Variants in MIS18A observed in about 807,000 individuals in gnomAD.
The protein encoded by MIS18A is protein Mis18-alpha.
A neutral mutation model predicts 25.0 loss-of-function variants in MIS18A; 14 were observed. That is an observed-to-expected ratio of 0.56 (90% CI 0.37 to 0.88). MIS18A has a LOEUF of 0.88. MIS18A is among the 40% of genes least tolerant of loss of function. The pLI is 0.00. For synonymous variants in MIS18A, 134 were observed against 118.6 expected, an observed-to-expected ratio of 1.13 and a Z score of -0.84; for missense variants, 292 against 290.8, an observed-to-expected ratio of 1.00 and a Z score of -0.03.
chr21:32,169,162 C>T, the MIS18A span, among the ~76,000 whole-genome samples: 1 of 151,468 alleles, frequency 6.6e-6, no homozygotes, highest in South Asian at 2.1e-4. Context: ...CCACCCCTAC[C>T]TTTCAGCTTA....
At chr21:32,165,097 G>A in the MIS18A span, among the ~76,000 whole-genome samples, 1 of 152,218 alleles carries the variant, frequency 6.6e-6, no homozygotes, top group Admixed American at 6.5e-5. Context: ...ACTTTGGGAG[G>A]CTGAGGCAGG....
chr21:32,227,226 G>T, the MIS18A span, among the ~76,000 whole-genome samples: 1 of 151,532 alleles, frequency 6.6e-6, no homozygotes, highest in African/African-American at 2.4e-5. Flanking sequence ...CAAAATAAAC[G>T]AAATAGAGAA....
chr21:32,186,912 C>T, the MIS18A span, among the ~76,000 whole-genome samples: 4 of 152,026 alleles, frequency 2.6e-5, no homozygotes, highest in Non-Finnish European at 5.9e-5. Context: ...AGCAGTTTCC[C>T]GCACAATGCA....
At chr21:32,170,493 T>C in the MIS18A span, among the ~76,000 whole-genome samples, 1 of 151,882 alleles carries the variant, frequency 6.6e-6, no homozygotes. Context: ...AATAACTAAA[T>C]TGAAAATTTC....
the MIS18A span, among the ~76,000 whole-genome samples, chr21:32,203,982 A>G: frequency 6.6e-6 from 1 of 152,108 alleles, no homozygotes; most frequent in East Asian, 1.9e-4. Context: ...CATTAGACTC[A>G]TGGATTCAAT....
chr21:32,195,892 T>G, the MIS18A span, among the ~76,000 whole-genome samples: 1 of 151,998 alleles, frequency 6.6e-6, no homozygotes, highest in East Asian at 1.9e-4. Context: ...TGGTGACACA[T>G]GCATGTAGTC....
At chr21:32,226,291 GA>G in the MIS18A span, among the ~76,000 whole-genome samples, 1,094 of 141,556 alleles carry the variant, frequency 7.7e-3, 17 homozygotes, top group African/African-American at 0.023. Context: ...AAAAAAAAAA[GA>G]AAAAAAAAAG....
At chr21:32,245,514 A>G in the MIS18A span, among the ~76,000 whole-genome samples, 5 of 152,182 alleles carry the variant, frequency 3.3e-5, no homozygotes, top group African/African-American at 1.2e-4. Context: ...TCCAGGAGGG[A>G]AGGCTCTAGC....
chr21:32,242,030 C>T, the MIS18A span, among the ~76,000 whole-genome samples: 300 of 152,366 alleles, frequency 2.0e-3, 3 homozygotes, highest in African/African-American at 5.0e-3. Context: ...AGGCGCCCGC[C>T]ACCACGCCCG....
At chr21:32,198,493 G>A in the MIS18A span, among the ~76,000 whole-genome samples, 1 of 152,218 alleles carries the variant, frequency 6.6e-6, no homozygotes, top group Non-Finnish European at 1.5e-5. Context: ...GGACCTGTTA[G>A]TGCAGAGAAG....
the MIS18A span, among the ~76,000 whole-genome samples, chr21:32,170,059 A>C: frequency 6.6e-4 from 101 of 152,288 alleles, no homozygotes; most frequent in African/African-American, 2.3e-3. Flanking sequence ...TGAACTTGCT[A>C]GACAAATACT....
At chr21:32,201,352 T>C in the MIS18A span, among the ~76,000 whole-genome samples, 4 of 151,798 alleles carry the variant, frequency 2.6e-5, no homozygotes, top group African/African-American at 9.7e-5. Context: ...TGAAAGTCTG[T>C]TTACAGACTG....
At chr21:32,198,838 G>T in the MIS18A span, among the ~76,000 whole-genome samples, 1 of 151,924 alleles carries the variant, frequency 6.6e-6, no homozygotes, top group Non-Finnish European at 1.5e-5. Flanking sequence ...AGCCTGAGAT[G>T]ATAAGGAGTT....
the MIS18A span, among the ~76,000 whole-genome samples, chr21:32,244,611 C>A: frequency 6.6e-6 from 1 of 152,020 alleles, no homozygotes; most frequent in East Asian, 1.9e-4. Context: ...GGGGTGCATG[C>A]CTGTAATCCC....
the MIS18A span, among the ~76,000 whole-genome samples, chr21:32,239,367 T>C: frequency 6.6e-5 from 10 of 152,196 alleles, no homozygotes; most frequent in Non-Finnish European, 1.3e-4. Flanking sequence ...AAAGCATTTA[T>C]GCAATTTTTC....
At chr21:32,172,201 A>G in the MIS18A span, among the ~76,000 whole-genome samples, 1 of 152,114 alleles carries the variant, frequency 6.6e-6, no homozygotes, top group East Asian at 1.9e-4. Flanking sequence ...AGGAATATAA[A>G]TTGCTGCAAC....
At chr21:32,252,603 A>G in the MIS18A span, among the ~76,000 whole-genome samples, 1 of 152,158 alleles carries the variant, frequency 6.6e-6, no homozygotes, top group African/African-American at 2.4e-5. Flanking sequence ...CTCATCCCCT[A>G]GGCTCCAGCA....
chr21:32,206,450 G>C, the MIS18A span, among the ~76,000 whole-genome samples: 1 of 152,006 alleles, frequency 6.6e-6, no homozygotes, highest in African/African-American at 2.4e-5. Flanking sequence ...CCTGCTTGGC[G>C]GCCTCTTTCC....
the MIS18A span, among the ~76,000 whole-genome samples, chr21:32,207,676 CTT>C: frequency 5.3e-5 from 8 of 151,750 alleles, no homozygotes; most frequent in Admixed American, 2.0e-4. Flanking sequence ...TTGGTTTCTT[CTT>C]TTCTTTTTCT....
Sources: gnomAD v4.1 joint callset for allele counts (sites outside exome capture counted in the v4.1 genomes callset) on GRCh38, gnomAD v4.1.1 for gene constraint, MANE v1.5 for transcripts, NCBI Gene and HGNC (gene_info 2026-07-23, HGNC 2026-07-21) for gene names.